Variants in DPH6 observed in about 807,000 individuals in gnomAD.
DPH6 encodes diphthine--ammonia ligase.
DPH6 carries 33 observed loss-of-function variants against 38.2 expected under a neutral mutation model. The ratio of observed to expected loss-of-function variants is 0.86; its 90% CI spans 0.65 to 1.15. The LOEUF is 1.15. Ranked by LOEUF, DPH6 falls within the 50% of genes most tolerant of loss-of-function variation. The probability of loss-of-function intolerance (pLI) is 0.00; values close to 1 mark genes in which losing one functional copy is unlikely to be tolerated. For missense variants in DPH6, 325 were observed against 320.0 expected (o/e 1.02, Z -0.12); for synonymous variants, 108 against 103.0 (o/e 1.05, Z -0.30).
At chr15:35,210,761 A>T in the DPH6 span, among the ~76,000 whole-genome samples, 1 of 152,098 alleles carries the variant, frequency 6.6e-6, no homozygotes, top group East Asian at 1.9e-4. Flanking sequence ...TAGGAGAAAG[A>T]TCTTCCTTCA....
chr15:35,352,669 C>G (rs1263340554), intron 3 of DPH6, among the ~76,000 whole-genome samples: 1 of 152,152 alleles, frequency 6.6e-6, no homozygotes, highest in Non-Finnish European at 1.5e-5. Flanking sequence ...TTTTCTTAAT[C>G]CAGTCTATCA....
At chr15:35,459,595 T>C (rs2054037608) in intron 3 of DPH6, among the ~76,000 whole-genome samples, 1 of 152,086 alleles carries the variant, frequency 6.6e-6, no homozygotes. Flanking sequence ...GTGGGTGTTG[T>C]CAGTATATAC....
intron 3 of DPH6, among the ~76,000 whole-genome samples, chr15:35,534,678 G>A (rs1012894175): frequency 6.6e-6 from 1 of 152,100 alleles, no homozygotes; most frequent in Non-Finnish European, 1.5e-5. Flanking sequence ...TGAAGATTCA[G>A]TCTAGAAGGT....
intron 3 of DPH6, among the ~76,000 whole-genome samples, chr15:35,480,605 C>T (rs909882141): frequency 2.0e-4 from 31 of 151,876 alleles, no homozygotes; most frequent in Admixed American, 1.7e-3. Flanking sequence ...AAAATGTTTG[C>T]TATTTTAAAC....
At chr15:35,279,068 A>AAATATATAT (rs1555390826) in intron 3 of DPH6, among the ~76,000 whole-genome samples, 2 of 102,972 alleles carry the variant, frequency 1.9e-5, no homozygotes, top group African/African-American at 9.7e-5. Flanking sequence ...AAAAAAAAAA[A>AAATATATAT]ATATATATAT....
At chr15:35,279,191 T>A (rs981700130) in intron 3 of DPH6, among the ~76,000 whole-genome samples, 1 of 151,878 alleles carries the variant, frequency 6.6e-6, no homozygotes, top group Admixed American at 6.6e-5. Context: ...AATGGGAATG[T>A]CTACCCAATA....
At chr15:35,307,911 A>T (rs2052106658) in intron 3 of DPH6, among the ~76,000 whole-genome samples, 2 of 152,230 alleles carry the variant, frequency 1.3e-5, no homozygotes. Context: ...TGAACATTCT[A>T]GTATCATTCT....
rs934874297 is a variant in DPH6 at position 35,308,233 on chromosome 15, CATAAATAA to C, written n.200+65280_200+65287del. ...GCAGTCAGCTATGATCCTGTCACTG[CATAAATAA>C]ATAAATAAATAAATAAAACCTCTAG... On this transcript the variant is annotated intron_variant and non_coding_transcript_variant, in intron 3 of 3. Coordinates refer to the DPH6 transcript ENST00000560386. 4.0e-5 allele frequency among the ~76,000 whole-genome samples: 6 copies of C among 151,880 alleles called. No homozygotes were observed. The East Asian group carries it at 5.8e-4, about 15-fold the overall frequency.
At chr15:35,446,578 A>G (rs2053856973) in intron 5 of DPH6, among the ~76,000 whole-genome samples, 1 of 152,180 alleles carries the variant, frequency 6.6e-6, no homozygotes, top group Admixed American at 6.5e-5. Flanking sequence ...TTATTGTAAG[A>G]ATATAGTATG....
At chr15:35,401,329 G>A (rs1354911024) in intron 6 of DPH6, 3 of 774,942 alleles carry the variant, frequency 3.9e-6, no homozygotes, top group Admixed American at 3.5e-5. Flanking sequence ...TGATCATGGT[G>A]GCTTTGGTGG....
intron 3 of DPH6, among the ~76,000 whole-genome samples, chr15:35,252,349 AAAAG>A (rs140179948): frequency 0.026 from 4,000 of 152,338 alleles, 171 homozygotes; most frequent in African/African-American, 0.091. Context: ...TATAAACAAA[AAAAG>A]AAAGAAACAA....
At chr15:35,454,708 AC>A in intron 4 of DPH6, 38 bp downstream of exon 4, 1 of 1,498,630 alleles carries the variant, frequency 6.7e-7, no homozygotes, top group Non-Finnish European at 9.2e-7. Flanking sequence ...TTCTTAAAAC[AC>A]ATACACTTTT....
At chr15:35,438,657 G>A (rs990484592) in intron 5 of DPH6, among the ~76,000 whole-genome samples, 5 of 152,094 alleles carry the variant, frequency 3.3e-5, no homozygotes, top group African/African-American at 1.2e-4. Context: ...TATATGTTGT[G>A]TGTGATGTCT....
the DPH6 span, among the ~76,000 whole-genome samples, chr15:35,172,556 A>G: frequency 6.6e-6 from 1 of 152,216 alleles, no homozygotes; most frequent in African/African-American, 2.4e-5. Flanking sequence ...TAATTCCTAA[A>G]GCATACAGAG....
chr15:35,413,165 T>A (rs187915550), intron 5 of DPH6, among the ~76,000 whole-genome samples: 287 of 151,746 alleles, frequency 1.9e-3, no homozygotes, highest in African/African-American at 6.7e-3. Flanking sequence ...AATAAAAAAA[T>A]TTGGTAAAGT....
intron 3 of DPH6, among the ~76,000 whole-genome samples, chr15:35,239,123 C>T (rs2051579379): frequency 6.9e-6 from 1 of 144,016 alleles, no homozygotes; most frequent in African/African-American, 2.5e-5. Context: ...CGTCCTCCTG[C>T]TCTTTGCTCC....
the DPH6 span, among the ~76,000 whole-genome samples, chr15:35,209,275 C>A: frequency 1.3e-4 from 20 of 152,190 alleles, no homozygotes; most frequent in Admixed American, 1.0e-3. Context: ...CAACAAAGAA[C>A]AGATTCTTGT....
At chr15:35,480,464 C>T (rs567730170) in intron 3 of DPH6, among the ~76,000 whole-genome samples, 12 of 152,142 alleles carry the variant, frequency 7.9e-5, no homozygotes, top group African/African-American at 2.9e-4. Flanking sequence ...GAAGTATAAA[C>T]ATCCACAATT....
chr15:35,216,538 T>A (rs1003682129), downstream of DPH6, among the ~76,000 whole-genome samples: 1 of 151,886 alleles, frequency 6.6e-6, no homozygotes, highest in Non-Finnish European at 1.5e-5. Context: ...AGTAAAGAGA[T>A]TAATGAGTTC....
Sources: allele counts gnomAD v4.1 joint callset (sites outside exome capture counted in the v4.1 genomes callset), GRCh38; gene constraint gnomAD v4.1.1; transcripts MANE v1.5; gene names NCBI Gene and HGNC (gene_info 2026-07-23, HGNC 2026-07-21).